The following MYRF variants were observed in gnomAD, a reference collection of about 807,000 sequenced individuals.
MYRF encodes myelin regulatory factor.
A neutral mutation model predicts 126.3 loss-of-function variants in MYRF; 16 were observed. The ratio of observed to expected loss-of-function variants is 0.13; its 90% CI spans 0.09 to 0.19. The LOEUF is 0.19. Ranked by LOEUF, MYRF falls within the 10% of genes least tolerant of loss-of-function variation. The pLI is 1.00. For synonymous variants in MYRF, 608 were observed against 635.3 expected, an observed-to-expected ratio of 0.96 and a Z score of 0.65; for missense variants, 1,104 against 1,547.0, an observed-to-expected ratio of 0.71 and a Z score of 4.80.
chr11:61,771,536 T>C lies in MYRF; in HGVS notation c.777T>C (p.Ser259=). ...PTHPSKKRKH[S]ESPPSTLNAQ... ...ACCCCTCCAAGAAGAGGAAGCACTC[T>C]GAATCCCCCCCCAGCACCCTCAATG... is the stretch of plus-strand genomic sequence containing the variant. The change falls in exon 6 of 27, where the codon TCT becomes TCC. Residue 259 remains serine (S), a synonymous_variant. Transcript: ENST00000278836. 3.1e-6 allele frequency: 5 copies of C among 1,613,846 alleles called. No individual in the cohort carries two copies. The highest frequency in any genetic ancestry group is 4.2e-6 in the Non-Finnish European group (5 of 1,179,906).
At chr11:61,765,888 G>T in intron 2 of MYRF, 70 bp from the exon 3 acceptor site, 1 of 1,458,144 alleles carries the variant, frequency 6.9e-7, no homozygotes, top group South Asian at 1.4e-5. Flanking sequence ...TTCCCTGCAG[G>T]GAGGGGGCGG....
Position 61,765,955 on chromosome 11 carries a change from C to T in MYRF, c.135-3C>T, listed in dbSNP as rs1454907478. 6.7e-7 allele frequency: 1 copy of T among 1,500,440 alleles called. No homozygotes were observed. Among genetic ancestry groups the T allele is most frequent in the East Asian group, 2.4e-5 (1 of 42,472 alleles). 92.9% of individuals were successfully genotyped at this position (1,500,440 alleles called of 1,614,324 possible). A position where few individuals can be genotyped will look rare whatever the true frequency, so the allele number is the denominator to read the frequency against. The stretch of plus-strand genomic sequence containing the variant: ...GGAGCTGAGCCGCCCCCCTTCCCCG[C>T]AGCTGCTTCCCTGACATCTCTGCTC... On this transcript the variant is annotated splice_region_variant and splice_polypyrimidine_tract_variant and intron_variant, in intron 2 of 26. Coordinates refer to ENST00000278836, the MANE Select transcript of MYRF (RefSeq NM_001127392.3).
At chr11:61,767,910 G>C (rs1299072902) in intron 3 of MYRF, among the ~76,000 whole-genome samples, 2 of 151,446 alleles carry the variant, frequency 1.3e-5, no homozygotes, top group Non-Finnish European at 2.9e-5. Context: ...TTGAGGCCTG[G>C]AGTTTGAGAC....
chr11:61,766,181 C>A lies in MYRF; in HGVS notation c.358C>A (p.Pro120Thr), dbSNP rs771248547. The A allele has an allele frequency of 1.2e-6, 2 of 1,611,180 alleles. No individual in the cohort carries two copies. The highest frequency in any genetic ancestry group is 1.7e-5 in the Admixed American group (1 of 59,786). The change falls in exon 3 of 27, where the codon CCC becomes ACC. Residue 120 changes from proline (P) to threonine (T), a missense_variant. Around this residue, in one of 10 missense-constraint regions of MYRF, gnomAD observed 368 missense variants for 403.9 expected, o/e 0.91. Transcript: ENST00000278836. ...CAAGCCCTTCCCGGGGGGCACCGGGCCCCCCATCAAGGCTGAGCCCAAGGC... is the reference window on the plus strand; with the variant it reads ...CAAGCCCTTCCCGGGGGGCACCGGGACCCCCATCAAGGCTGAGCCCAAGGC... ...APKPFPGGTG[P>T]PIKAEPKAPY... is the part of the protein sequence containing the mutation.
intron 1 of MYRF, among the ~76,000 whole-genome samples, chr11:61,754,659 G>A (rs779971399): frequency 4.6e-5 from 7 of 152,174 alleles, no homozygotes; most frequent in Non-Finnish European, 8.8e-5. Context: ...GGGGGTGGGG[G>A]CTGACGCCAC....
chr11:61,775,036 A>T (rs2066337546), intron 8 of MYRF, among the ~76,000 whole-genome samples: 1 of 151,630 alleles, frequency 6.6e-6, no homozygotes, highest in African/African-American at 2.4e-5. Flanking sequence ...CCCCAACCTC[A>T]TCATGCATCT....
rs1201663670 is a variant in MYRF, at chr11:61,766,543, T to C, written c.398+322T>C. On this transcript the variant is annotated intron_variant, in intron 3 of 26. Coordinates refer to ENST00000278836, the MANE Select transcript of MYRF (RefSeq NM_001127392.3). ...TGGAGGCTGTGACTGTTTACCTTCA[T>C]GGGAACACCTGCATACCCGTGCACG... 8.6e-6 allele frequency: 3 copies of C among 348,098 alleles called. No individual in the cohort carries two copies. In the South Asian group the frequency reaches 2.0e-4, roughly 23 times the overall value. 21.6% of individuals were successfully genotyped at this position (348,098 alleles called of 1,614,324 possible).
chr11:61,780,322 G>A, intron 18 of MYRF, 32 bp downstream of exon 18: 1 of 1,589,194 alleles, frequency 6.3e-7, no homozygotes, highest in Non-Finnish European at 8.6e-7. Context: ...CAAGCTGCCA[G>A]GCCAGGTGGG....
At chr11:61,781,085 C>T in intron 20 of MYRF, 40 bp downstream of exon 20, 3 of 1,611,090 alleles carry the variant, frequency 1.9e-6, no homozygotes, top group Non-Finnish European at 1.7e-6. Flanking sequence ...AGGGAGGTTG[C>T]TATGTTCTGT....
At position 61,776,929 on chromosome 11, in the gene MYRF, A is replaced by C; in HGVS notation, c.1590+52A>C. 1 of 1,436,732 alleles carries C rather than the reference A, an allele frequency of 7.0e-7. No individual in the cohort carries two copies. The highest frequency in any genetic ancestry group is 9.4e-7 in the Non-Finnish European group (1 of 1,060,176). 89.0% of individuals were successfully genotyped at this position (1,436,732 alleles called of 1,614,324 possible). ...AGACAGCCCTCCCCAGGACTGGGAG[A>C]AACAGCAAGCAGAAGTACCCGGGTA... On this transcript the variant is annotated intron_variant, in intron 11 of 26. Transcript: ENST00000278836. This position sits in a 1 kb window ranked among gnomAD's most constrained non-coding sequence, Gnocchi z 4.3.
intron 5 of MYRF, among the ~76,000 whole-genome samples, 162 bp from the exon 6 acceptor site, chr11:61,771,338 G>A (rs2066213338): frequency 6.6e-6 from 1 of 152,232 alleles, no homozygotes; most frequent in Admixed American, 6.5e-5. Flanking sequence ...GAGCAATGGG[G>A]AGTAGGAGGA....
chr11:61,771,803 C>G lies in MYRF; in HGVS notation c.992-26C>G, dbSNP rs375279685. On this transcript the variant is annotated intron_variant, in intron 6 of 26. Transcript: ENST00000278836. ...GGGGTGTGGGACCCAAGGTGCAGGG[C>G]CCACATGGGCGTTCCCTCCCTCCAG... 3 of 1,613,732 alleles carry G rather than the reference C, an allele frequency of 1.9e-6. No individual in the cohort carries two copies. The African/African-American group carries it at 4.0e-5, about 22-fold the overall frequency.
rs1263968059 is a variant in MYRF at position 61,787,789 on chromosome 11, G to C, written c.*1646G>C. The C allele has an allele frequency of 6.5e-6, 1 of 152,718 alleles. No individual in the cohort carries two copies. Among genetic ancestry groups the C allele is most frequent in the Admixed American group, 6.5e-5 (1 of 15,280 alleles). The allele number at this position is 152,718 out of a possible 1,614,324, so 9.5% of individuals were successfully genotyped here. A position where few individuals can be genotyped will look rare whatever the true frequency, so the allele number is the denominator to read the frequency against. ...CTCCCACTGGGGGAATCCTCCCTAT[G>C]CCTTAAAACTGCCGAGCCCCACTCC... On this transcript the variant is annotated 3_prime_UTR_variant, in exon 27 of 27. Coordinates refer to ENST00000278836, the MANE Select transcript of MYRF (RefSeq NM_001127392.3).
At position 61,783,687 on chromosome 11, in the gene MYRF, A is replaced by G; in HGVS notation, c.3119+87A>G. The G allele has an allele frequency of 7.1e-7, 1 of 1,411,180 alleles. No homozygotes were observed. Among genetic ancestry groups the G allele is most frequent in the East Asian group, 2.3e-5 (1 of 43,500 alleles). The allele number at this position is 1,411,180 out of a possible 1,614,324, so 87.4% of individuals were successfully genotyped here. A position where few individuals can be genotyped will look rare whatever the true frequency, so the allele number is the denominator to read the frequency against. ...CAGATCACCCGGAACTTGCCCTTTC[A>G]GGGAGGAGCCTCCCCCATAAGGAAG... On this transcript the variant is annotated intron_variant, in intron 23 of 26. Transcript: ENST00000278836. This position sits in a 1 kb window ranked among gnomAD's most constrained non-coding sequence, Gnocchi z 4.6.
chr11:61,779,241 C>T, intron 14 of MYRF, 22 bp from the exon 15 acceptor site: 1 of 1,534,634 alleles, frequency 6.5e-7, no homozygotes, highest in Non-Finnish European at 8.7e-7. Flanking sequence ...GCCCATGGCC[C>T]ATGGCCCATG....
At chr11:61,754,758 A>G (rs1430537882) in intron 1 of MYRF, among the ~76,000 whole-genome samples, 1 of 152,142 alleles carries the variant, frequency 6.6e-6, no homozygotes, top group Non-Finnish European at 1.5e-5. Context: ...TGTGGGGAGC[A>G]GGGGAGGGGT....
rs755090975 is a variant in MYRF, at chr11:61,776,468, A to T, written c.1499+36A>T. The T allele has an allele frequency of 3.2e-5, 51 of 1,572,086 alleles. No homozygotes were observed. The highest frequency in any genetic ancestry group is 8.7e-6 in the Non-Finnish European group (10 of 1,151,180). On this transcript the variant is annotated intron_variant, in intron 10 of 26. Transcript: ENST00000278836. The surrounding 1 kb of genome is among the most constrained non-coding windows in gnomAD (Gnocchi z 4.3). Reference sequence around the variant, plus strand: ...GGGGGCCCTGCCCCGGAGCCCCTCCATTTCTGAGGCAGGAAGACACTGCCC... The same window carrying T: ...GGGGGCCCTGCCCCGGAGCCCCTCCTTTTCTGAGGCAGGAAGACACTGCCC...
At chr11:61,766,787 C>G in intron 3 of MYRF, 1 of 333,122 alleles carries the variant, frequency 3.0e-6, no homozygotes, top group South Asian at 2.5e-5. Flanking sequence ...TTCCAGGCAG[C>G]CACCCGGCCA....
rs2269928 is a variant in MYRF, at chr11:61,770,057, T to G, written c.461-189T>G. 0.18 allele frequency among the ~76,000 whole-genome samples: 27,546 copies of G among 151,782 alleles called. 2,971 individuals are homozygous for G. Among genetic ancestry groups the G allele is most frequent in the East Asian group, 0.37 (1,887 of 5,088 alleles). ...AAAGGCTGCCCCTCCTTGGGCAGGTTTGTGCCTCCCTGCCCAGGCCTCTAG... is the reference window on the plus strand; with the variant it reads ...AAAGGCTGCCCCTCCTTGGGCAGGTGTGTGCCTCCCTGCCCAGGCCTCTAG... On this transcript the variant is annotated intron_variant, in intron 4 of 26. Transcript: ENST00000278836.
Sources: gnomAD v4.1 joint callset for allele counts (sites outside exome capture counted in the v4.1 genomes callset) on GRCh38, gnomAD v4.1.1 for gene constraint, gnomAD v4.1.1 regional missense constraint, Gnocchi (gnomAD v3.1) non-coding constraint, MANE v1.5 for transcripts, NCBI Gene and HGNC (gene_info 2026-07-23, HGNC 2026-07-21) for gene names.